EBF1: variants seen among roughly 807,000 people sequenced by gnomAD.
The protein encoded by EBF1 is transcription factor COE1.
Under a neutral mutation model 68.4 loss-of-function variants are expected in EBF1, and 10 were observed. The observed-to-expected ratio is 0.15, with a 90% confidence interval of 0.09 to 0.25. The LOEUF is 0.25. Ranked by LOEUF, EBF1 falls within the 10% of genes least tolerant of loss-of-function variation. The pLI is 1.00. For synonymous variants in EBF1, 298 were observed against 299.8 expected, an observed-to-expected ratio of 0.99 and a Z score of 0.06; for missense variants, 509 against 794.4, an observed-to-expected ratio of 0.64 and a Z score of 4.32.
chr5:159,052,350 AG>A (rs1367852537), intron 6 of EBF1, among the ~76,000 whole-genome samples: 8 of 50,760 alleles, frequency 1.6e-4, no homozygotes, highest in African/African-American at 2.1e-4. Context: ...CAAAAGATAT[AG>A]AAAAAAAAAA....
At chr5:159,073,546 T>C in intron 5 of EBF1, 82 bp from the exon 6 acceptor site, 1 of 1,494,890 alleles carries the variant, frequency 6.7e-7, no homozygotes, top group Non-Finnish European at 9.3e-7. Context: ...CTCAAATTGC[T>C]GGGTTGCAAA....
intron 5 of EBF1, among the ~76,000 whole-genome samples, chr5:159,082,072 C>A (rs1779827675): frequency 6.6e-6 from 1 of 152,144 alleles, no homozygotes; most frequent in Non-Finnish European, 1.5e-5. Context: ...TCAGACAGAA[C>A]ACAATGGATT....
At chr5:158,964,651 A>G (rs1328010082) in intron 6 of EBF1, among the ~76,000 whole-genome samples, 1 of 150,688 alleles carries the variant, frequency 6.6e-6, no homozygotes, top group Non-Finnish European at 1.5e-5. Flanking sequence ...GAAATATTAT[A>G]TGATCACCAA....
intron 10 of EBF1, among the ~76,000 whole-genome samples, chr5:158,771,973 A>T (rs1773971333): frequency 6.6e-6 from 1 of 152,118 alleles, no homozygotes; most frequent in Non-Finnish European, 1.5e-5. Flanking sequence ...CCTTCAGGTG[A>T]ATCACCATGC....
intron 7 of EBF1, among the ~76,000 whole-genome samples, chr5:158,837,000 G>A (rs189642532): frequency 6.6e-6 from 1 of 152,286 alleles, no homozygotes; most frequent in Admixed American, 6.5e-5. Flanking sequence ...CTTTGTGCTG[G>A]GCAGCTCTCA....
intron 6 of EBF1, among the ~76,000 whole-genome samples, chr5:158,965,213 G>A (rs1325077935): frequency 1.3e-5 from 2 of 152,114 alleles, no homozygotes; most frequent in Non-Finnish European, 2.9e-5. Context: ...CATATTATAC[G>A]GTGGTTTTCT....
chr5:158,958,325 A>T (rs1278422351), intron 6 of EBF1, among the ~76,000 whole-genome samples: 3 of 152,150 alleles, frequency 2.0e-5, no homozygotes, highest in African/African-American at 7.2e-5. Context: ...GACCTGTCAG[A>T]AGGTTGTGAC....
At chr5:158,910,461 CT>C (rs962581277) in intron 6 of EBF1, among the ~76,000 whole-genome samples, 24 of 152,326 alleles carry the variant, frequency 1.6e-4, no homozygotes, top group African/African-American at 5.8e-4. Flanking sequence ...AAACACACCT[CT>C]ATCTTTGAAA....
intron 6 of EBF1, among the ~76,000 whole-genome samples, chr5:159,043,852 A>G (rs1297814990): frequency 1.3e-5 from 2 of 152,152 alleles, no homozygotes; most frequent in Non-Finnish European, 2.9e-5. Flanking sequence ...ACTACTCCAG[A>G]AAAAGGTGAT....
chr5:158,718,553 C>T (rs1323619192), intron 11 of EBF1, among the ~76,000 whole-genome samples: 1 of 152,116 alleles, frequency 6.6e-6, no homozygotes, highest in African/African-American at 2.4e-5. Context: ...GGAGCAAGAA[C>T]TCATTCAACC....
At chr5:158,982,222 CA>C (rs1758045337) in intron 6 of EBF1, among the ~76,000 whole-genome samples, 1 of 152,144 alleles carries the variant, frequency 6.6e-6, no homozygotes, top group Admixed American at 6.5e-5. Context: ...TGCCCTGAGA[CA>C]ATGAGCTAAT....
chr5:158,811,300 G>A (rs771923020), intron 8 of EBF1, among the ~76,000 whole-genome samples: 5 of 152,094 alleles, frequency 3.3e-5, no homozygotes, highest in African/African-American at 9.7e-5. Context: ...GAGTAATGTC[G>A]TCAATTTGTT....
intron 5 of EBF1, among the ~76,000 whole-genome samples, chr5:159,081,268 T>C (rs1167440796): frequency 6.6e-6 from 1 of 152,220 alleles, no homozygotes; most frequent in Non-Finnish European, 1.5e-5. Context: ...TGTACAATAT[T>C]TGGAGAGAGA....
intron 6 of EBF1, among the ~76,000 whole-genome samples, chr5:158,869,938 A>G (rs1434314814): frequency 6.6e-6 from 1 of 152,186 alleles, no homozygotes; most frequent in East Asian, 1.9e-4. Context: ...AGGCTGTTGA[A>G]GAAAGCCAAG....
At chr5:158,812,690 T>C (rs1360029284) in intron 8 of EBF1, among the ~76,000 whole-genome samples, 1 of 152,118 alleles carries the variant, frequency 6.6e-6, no homozygotes, top group Non-Finnish European at 1.5e-5. Context: ...ATCTCAGAAA[T>C]TGATGGGCGA....
At chr5:158,824,893 A>C (rs1413648550) in intron 7 of EBF1, among the ~76,000 whole-genome samples, 2 of 152,248 alleles carry the variant, frequency 1.3e-5, no homozygotes, top group Non-Finnish European at 2.9e-5. Context: ...ATGCCCACGA[A>C]TTGCAGGCTA....
At chr5:159,047,928 A>G (rs1364749039) in intron 6 of EBF1, among the ~76,000 whole-genome samples, 2 of 152,168 alleles carry the variant, frequency 1.3e-5, no homozygotes, top group Admixed American at 6.5e-5. Context: ...GAGCTGCCCA[A>G]CCCAGAACTG....
chr5:159,071,970 A>G (rs918658483), intron 6 of EBF1, among the ~76,000 whole-genome samples: 1 of 152,224 alleles, frequency 6.6e-6, no homozygotes, highest in African/African-American at 2.4e-5. Flanking sequence ...AACCAGCATA[A>G]AGGTTAAATT....
intron 10 of EBF1, among the ~76,000 whole-genome samples, chr5:158,761,444 G>A (rs1771428290): frequency 1.3e-5 from 2 of 152,190 alleles, no homozygotes; most frequent in Admixed American, 1.3e-4. Flanking sequence ...TGCTTCCTAT[G>A]AAATAATGTG....
Sources: allele counts gnomAD v4.1 joint callset (sites outside exome capture counted in the v4.1 genomes callset), GRCh38; gene constraint gnomAD v4.1.1; transcripts MANE v1.5; gene names NCBI Gene and HGNC (gene_info 2026-07-23, HGNC 2026-07-21).